SOBP: variants seen among roughly 807,000 people sequenced by gnomAD.
SOBP encodes the protein sine oculis binding protein homolog.
Under a neutral mutation model 53.6 loss-of-function variants are expected in SOBP, and 4 were observed. The observed-to-expected ratio is 0.07, with a 90% confidence interval of 0.04 to 0.17. The LOEUF (loss-of-function observed/expected upper bound fraction) is 0.17. Ranked by LOEUF, SOBP falls within the 10% of genes least tolerant of loss-of-function variation. The pLI, the probability that SOBP is intolerant of heterozygous loss-of-function variation, is 1.00. For missense variants in SOBP, 1,088 were observed against 1,204.7 expected, an observed-to-expected ratio of 0.90 and a Z score of 1.43; for synonymous variants, 584 against 522.6, an observed-to-expected ratio of 1.12 and a Z score of -1.60.
intron 4 of SOBP, among the ~76,000 whole-genome samples, chr6:107,570,966 G>A (rs542813668): frequency 9.1e-4 from 139 of 152,274 alleles, no homozygotes; most frequent in African/African-American, 3.0e-3. Context: ...TGTCCTTGAC[G>A]GTATTCATCT....
At chr6:107,497,128 G>A (rs1424560022) in intron 1 of SOBP, among the ~76,000 whole-genome samples, 1 of 152,190 alleles carries the variant, frequency 6.6e-6, no homozygotes, top group Non-Finnish European at 1.5e-5. Context: ...TACTCCAGAA[G>A]TAAGTCAGAG....
Position 107,633,773 on chromosome 6 carries a change from A to T in SOBP, c.929A>T (p.Lys310Met). The stretch of plus-strand genomic sequence containing the variant: ...ATCCCGCTAACAGATGCTCGGAGGA[A>T]GGCCCCCTCCCCGGTGGCTACAGCT... ...WNIPLTDARR[K>M]APSPVATAGQ... The change falls in exon 6 of 7, where the codon AAG becomes ATG. Residue 310 changes from lysine to methionine, a missense_variant. Coordinates refer to ENST00000317357, the MANE Select transcript of SOBP (RefSeq NM_018013.4). The T allele has an allele frequency of 6.2e-7, 1 of 1,614,214 alleles. No individual in the cohort carries two copies. Among genetic ancestry groups the T allele is most frequent in the Non-Finnish European group, 8.5e-7 (1 of 1,180,024 alleles).
chr6:107,540,302 A>T (rs796102681), intron 4 of SOBP, among the ~76,000 whole-genome samples: 1 of 152,260 alleles, frequency 6.6e-6, no homozygotes, highest in South Asian at 2.1e-4. Context: ...GTACACATAA[A>T]CAGAAGTGTG....
intron 6 of SOBP, among the ~76,000 whole-genome samples, chr6:107,643,461 G>A (rs117182909): frequency 0.011 from 1,692 of 151,806 alleles, 19 homozygotes; most frequent in Non-Finnish European, 0.017. Flanking sequence ...TCTGTTGCCC[G>A]GCTGGAGTGC....
chr6:107,495,364 A>T (rs1782673139), intron 1 of SOBP, among the ~76,000 whole-genome samples: 1 of 152,202 alleles, frequency 6.6e-6, no homozygotes, highest in South Asian at 2.1e-4. Flanking sequence ...TGGTCTGTTC[A>T]AACCAGGAGT....
At chr6:107,491,067 A>G (rs1782568280) in intron 1 of SOBP, among the ~76,000 whole-genome samples, 1 of 151,972 alleles carries the variant, frequency 6.6e-6, no homozygotes, top group Admixed American at 6.6e-5. Context: ...TTTGAGAATC[A>G]TCCTCAGGGT....
Position 107,552,779 on chromosome 6 carries a change from CA to C in SOBP, c.573+19170del, listed in dbSNP as rs1477786678. ...CTCTATTTTAAAGTCAGCCACTGAT[CA>C]GGGGTGGTGGTGTGTACCTGTAGTT... On this transcript the variant is annotated intron_variant, in intron 4 of 6. Transcript: ENST00000317357. Among the ~76,000 whole-genome samples, 3 of 152,182 alleles carry C rather than the reference CA, an allele frequency of 2.0e-5. No homozygotes were observed. The East Asian group carries it at 5.8e-4, about 29-fold the overall frequency.
rs146067938 is a variant in SOBP, at chr6:107,638,749, C to T, written c.*3+3280C>T. ...GTGAGGTGCAGGTGAATGATTTCTC[C>T]GTGTGCTTGTTGGTGATTCATTATA... is the stretch of plus-strand genomic sequence containing the variant. On this transcript the variant is annotated intron_variant, in intron 6 of 6. Coordinates refer to ENST00000317357, the MANE Select transcript of SOBP (RefSeq NM_018013.4). 8.0e-3 allele frequency among the ~76,000 whole-genome samples: 1,222 copies of T among 152,110 alleles called. 20 individuals carry two copies. The highest frequency in any genetic ancestry group is 0.054 in the East Asian group (282 of 5,188).
rs78314806 is a variant in SOBP, at chr6:107,626,728, G to C, written c.670-6786G>C. 6.7e-3 allele frequency among the ~76,000 whole-genome samples: 1,015 copies of C among 152,310 alleles called. 14 individuals are homozygous for C. Among genetic ancestry groups the C allele is most frequent in the African/African-American group, 0.023 (958 of 41,566 alleles). The stretch of plus-strand genomic sequence containing the variant: ...TGGGCATGGGACGGCCTGGCAATGG[G>C]AGATGGGCTAGGACGTTGCTCCCTT... On this transcript the variant is annotated intron_variant, in intron 5 of 6. Coordinates refer to ENST00000317357, the MANE Select transcript of SOBP (RefSeq NM_018013.4).
At chr6:107,498,903 T>A (rs1235098378) in intron 1 of SOBP, among the ~76,000 whole-genome samples, 5 of 152,170 alleles carry the variant, frequency 3.3e-5, no homozygotes, top group African/African-American at 4.8e-5. Context: ...AGGGAAATTA[T>A]GTAGTAGAAG....
intron 1 of SOBP, among the ~76,000 whole-genome samples, chr6:107,501,677 A>G (rs912552177): frequency 2.6e-5 from 4 of 152,114 alleles, no homozygotes; most frequent in Non-Finnish European, 5.9e-5. Context: ...TTGTGTGCCT[A>G]GGGATTGTCA....
chr6:107,503,566 A>G, intron 1 of SOBP, 91 bp from the exon 2 acceptor site: 1 of 1,416,108 alleles, frequency 7.1e-7, no homozygotes, highest in East Asian at 2.3e-5. Flanking sequence ...CTGCAAATAA[A>G]TGAGGTAGGA....
At position 107,490,136 on chromosome 6, in the gene SOBP, C is replaced by T. The variant is rs1456236523; in HGVS notation, c.-481C>T. ...TGGCGCGCTCTCCCGGGCTCACACA[C>T]AGCCGCGCACGCACGCCCGGGGCCG... On this transcript the variant is annotated 5_prime_UTR_variant, in exon 1 of 7. Coordinates refer to ENST00000317357, the MANE Select transcript of SOBP (RefSeq NM_018013.4). 2.0e-5 allele frequency: 3 copies of T among 149,522 alleles called. No individual in the cohort carries two copies. The highest frequency in any genetic ancestry group is 3.0e-5 in the Non-Finnish European group (2 of 66,712). The allele number at this position is 149,522 out of a possible 1,614,324, so 9.3% of individuals were successfully genotyped here.
chr6:107,490,558 C>A lies in SOBP; in HGVS notation c.-59C>A. 2 of 1,316,078 alleles carry A rather than the reference C, an allele frequency of 1.5e-6. No homozygotes were observed. Among genetic ancestry groups the A allele is most frequent in the South Asian group, 1.2e-5 (1 of 80,278 alleles). 81.5% of individuals were successfully genotyped at this position (1,316,078 alleles called of 1,614,324 possible). A position where few individuals can be genotyped will look rare whatever the true frequency, so the allele number is the denominator to read the frequency against. The stretch of plus-strand genomic sequence containing the variant: ...ACCTCCACCGCCGCCGCCGCCGCCA[C>A]CACCACCGCCGGCGGCGGCAGCAGC... On this transcript the variant is annotated 5_prime_UTR_variant, in exon 1 of 7. Coordinates refer to ENST00000317357, the MANE Select transcript of SOBP (RefSeq NM_018013.4).
chr6:107,591,813 T>C (rs1785758131), intron 5 of SOBP, among the ~76,000 whole-genome samples: 1 of 151,886 alleles, frequency 6.6e-6, no homozygotes, highest in African/African-American at 2.4e-5. Flanking sequence ...GGGAATCATA[T>C]AATGAACCCC....
chr6:107,578,839 TA>T (rs1785317655), intron 4 of SOBP, among the ~76,000 whole-genome samples: 1 of 152,312 alleles, frequency 6.6e-6, no homozygotes, highest in South Asian at 2.1e-4. Flanking sequence ...ATCTCCTCTG[TA>T]ACATCTGGAT....
intron 3 of SOBP, among the ~76,000 whole-genome samples, chr6:107,507,316 G>GT (rs1373664453): frequency 6.6e-6 from 1 of 151,692 alleles, no homozygotes; most frequent in East Asian, 1.9e-4. Context: ...AAATTTTTTT[G>GT]TTTTTTGAGA....
rs150879852 is a variant in SOBP at position 107,504,974 on chromosome 6, C to T, written c.235+1179C>T. Among the ~76,000 whole-genome samples the T allele has an allele frequency of 6.4e-3, 977 of 152,216 alleles. 11 individuals carry two copies. The highest frequency in any genetic ancestry group is 0.023 in the African/African-American group (935 of 41,544). The stretch of plus-strand genomic sequence containing the variant: ...AGCATGCCAGGATATGCTACTAGAA[C>T]GAAAAAGTTGTTTTCCATGGTTGAG... On this transcript the variant is annotated intron_variant, in intron 2 of 6. Coordinates refer to ENST00000317357, the MANE Select transcript of SOBP (RefSeq NM_018013.4).
At chr6:107,562,910 G>A (rs1784813754) in intron 4 of SOBP, among the ~76,000 whole-genome samples, 2 of 152,186 alleles carry the variant, frequency 1.3e-5, no homozygotes, top group South Asian at 4.1e-4. Context: ...AATCTCAATA[G>A]TCGTTGAAGC....
Sources: allele counts gnomAD v4.1 joint callset (sites outside exome capture counted in the v4.1 genomes callset), GRCh38; gene constraint gnomAD v4.1.1; transcripts MANE v1.5; gene names NCBI Gene and HGNC (gene_info 2026-07-23, HGNC 2026-07-21).